Variants in GYS2 observed in about 807,000 individuals in gnomAD.
The protein encoded by GYS2 is glycogen synthase 2.
Under a neutral mutation model 85.6 loss-of-function variants are expected in GYS2, and 80 were observed. That is an observed-to-expected ratio of 0.93 (90% CI 0.78 to 1.13). GYS2 has a LOEUF of 1.13. GYS2 is among the 50% of genes most tolerant of loss of function. GYS2 has a pLI of 0.00. For synonymous variants in GYS2, 328 were observed against 300.7 expected, an observed-to-expected ratio of 1.09 and a Z score of -0.94; for missense variants, 881 against 854.9, an observed-to-expected ratio of 1.03 and a Z score of -0.38.
intron 5 of GYS2, among the ~76,000 whole-genome samples, chr12:21,565,879 G>A (rs1224919911): frequency 6.6e-6 from 1 of 151,950 alleles, no homozygotes; most frequent in Non-Finnish European, 1.5e-5. Flanking sequence ...CTAAAGGATG[G>A]TATTAGCTAG....
chr12:21,569,057 T>C (rs761244935), intron 4 of GYS2, 48 bp from the exon 5 acceptor site: 50 of 1,592,914 alleles, frequency 3.1e-5, no homozygotes, highest in Non-Finnish European at 4.2e-5. Flanking sequence ...ATGGCCCTTC[T>C]ACACAAGCTA....
intron 13 of GYS2, 63 bp from the exon 14 acceptor site, chr12:21,540,636 T>C: frequency 7.2e-7 from 1 of 1,388,230 alleles, no homozygotes; most frequent in Admixed American, 1.7e-5. Context: ...TTTGTTCTCC[T>C]GTGATTTACT....
At chr12:21,567,902 G>A (rs186626928) in intron 5 of GYS2, among the ~76,000 whole-genome samples, 2 of 151,830 alleles carry the variant, frequency 1.3e-5, no homozygotes, top group South Asian at 2.1e-4. Flanking sequence ...GTGAAACCCC[G>A]TCTCTACTAA....
intron 1 of GYS2, among the ~76,000 whole-genome samples, chr12:21,592,392 C>T (rs1322500705): frequency 1.3e-5 from 2 of 152,070 alleles, no homozygotes; most frequent in East Asian, 3.9e-4. Context: ...TGTAAGCTGC[C>T]TATAAGAAAC....
At chr12:21,550,099 T>TTCATTTTTTGC (rs1469224982) in intron 11 of GYS2, among the ~76,000 whole-genome samples, 1 of 152,166 alleles carries the variant, frequency 6.6e-6, no homozygotes, top group Non-Finnish European at 1.5e-5. Flanking sequence ...TTAACAAAAC[T>TTCATTTTTTGC]TCATTGTTCC....
chr12:21,572,141 T>A (rs1944394101), intron 4 of GYS2, among the ~76,000 whole-genome samples: 1 of 152,202 alleles, frequency 6.6e-6, no homozygotes, highest in Admixed American at 6.5e-5. Flanking sequence ...CTCAGAAATT[T>A]CATACGCTGG....
At chr12:21,554,976 G>A (rs944780675) in intron 11 of GYS2, among the ~76,000 whole-genome samples, 11 of 152,134 alleles carry the variant, frequency 7.2e-5, no homozygotes, top group African/African-American at 2.4e-4. Context: ...CCAGCTGCAT[G>A]ACCCATCCCT....
At position 21,536,828 on chromosome 12, in the gene GYS2, T is replaced by G; in HGVS notation, c.*126A>C. 1 of 703,916 alleles carries G rather than the reference T, an allele frequency of 1.4e-6. No individual in the cohort carries two copies. The highest frequency in any genetic ancestry group is 1.7e-5 in the South Asian group (1 of 59,474). The allele number at this position is 703,916 out of a possible 1,614,324, so 43.6% of individuals were successfully genotyped here. ...TCATTCACTCAATTTCTTCCACTTT[T>G]TAGGCAGAGAATAAACTCCATTGTA... On this transcript the variant is annotated 3_prime_UTR_variant, in exon 16 of 16. Transcript: ENST00000261195.
intron 1 of GYS2, among the ~76,000 whole-genome samples, chr12:21,580,894 A>T (rs1944502567): frequency 6.6e-6 from 1 of 152,202 alleles, no homozygotes; most frequent in African/African-American, 2.4e-5. Context: ...CATTGTCATC[A>T]TACATGCCCT....
At chr12:21,583,820 G>T (rs746287911) in intron 1 of GYS2, among the ~76,000 whole-genome samples, 4 of 152,244 alleles carry the variant, frequency 2.6e-5, no homozygotes, top group Non-Finnish European at 5.9e-5. Flanking sequence ...GCTGTGCACA[G>T]CAGCATTGCA....
Position 21,542,493 on chromosome 12 carries a change from C to G in GYS2, c.1645+3G>C. 6.3e-7 allele frequency: 1 copy of G among 1,598,092 alleles called. No homozygotes were observed. The highest frequency in any genetic ancestry group is 8.6e-7 in the Non-Finnish European group (1 of 1,165,342). ...AGCATGGGTTAATGATGAAAACCCT[C>G]ACCGTAAGCAGTAGGATCAGCCACG... On this transcript the variant is annotated splice_donor_region_variant and intron_variant, in intron 13 of 15. Transcript: ENST00000261195.
chr12:21,566,135 T>C (rs1023236565), intron 5 of GYS2, among the ~76,000 whole-genome samples: 1 of 152,202 alleles, frequency 6.6e-6, no homozygotes, highest in African/African-American at 2.4e-5. Flanking sequence ...AAAAGCATAA[T>C]GATATAGTAA....
At chr12:21,566,161 G>T (rs149713184) in intron 5 of GYS2, among the ~76,000 whole-genome samples, 660 of 152,082 alleles carry the variant, frequency 4.3e-3, no homozygotes, top group Non-Finnish European at 6.4e-3. Flanking sequence ...ATAAGCTTTT[G>T]CCAATTATTA....
At chr12:21,579,349 CTTTTTTT>C (rs58750123) in intron 2 of GYS2, among the ~76,000 whole-genome samples, 4 of 88,724 alleles carry the variant, frequency 4.5e-5, no homozygotes, top group African/African-American at 8.2e-5. Flanking sequence ...CTTACTTCTT[CTTTTTTT>C]TTTTTTTTTT....
At chr12:21,550,344 CACACACA>C (rs1436717235) in intron 11 of GYS2, among the ~76,000 whole-genome samples, 56 of 145,856 alleles carry the variant, frequency 3.8e-4, no homozygotes, top group South Asian at 1.7e-3. Context: ...CACACACACA[CACACACA>C]CCCCTGGTTT....
chr12:21,547,644 T>C (rs1391980987), intron 11 of GYS2, among the ~76,000 whole-genome samples: 3 of 152,246 alleles, frequency 2.0e-5, no homozygotes, highest in African/African-American at 4.8e-5. Context: ...GGGCAGAGTA[T>C]AGACAATTTT....
intron 8 of GYS2, among the ~76,000 whole-genome samples, chr12:21,560,112 A>C (rs1050587909): frequency 5.9e-5 from 9 of 152,218 alleles, no homozygotes; most frequent in African/African-American, 2.2e-4. Flanking sequence ...ATTTCACAAT[A>C]GAAAGTTAAA....
At chr12:21,599,037 C>T (rs931321045) in intron 1 of GYS2, among the ~76,000 whole-genome samples, 22 of 151,624 alleles carry the variant, frequency 1.5e-4, no homozygotes, top group African/African-American at 5.3e-4. Context: ...AGATATCAGC[C>T]AAAATAAGGA....
intron 11 of GYS2, among the ~76,000 whole-genome samples, chr12:21,555,096 T>C (rs1944162832): frequency 1.3e-5 from 2 of 152,082 alleles, no homozygotes; most frequent in Admixed American, 1.3e-4. Flanking sequence ...TAGATAAAAG[T>C]GTGACACAAA....
Sources: gnomAD v4.1 joint callset for allele counts (sites outside exome capture counted in the v4.1 genomes callset) on GRCh38, gnomAD v4.1.1 for gene constraint, MANE v1.5 for transcripts, NCBI Gene and HGNC (gene_info 2026-07-23, HGNC 2026-07-21) for gene names.